Variants in ST3GAL3 observed in about 807,000 individuals in gnomAD.
ST3GAL3 encodes the protein ST3 beta-galactoside alpha-2,3-sialyltransferase 3.
Under a neutral mutation model 50.1 loss-of-function variants are expected in ST3GAL3, and 21 were observed. The ratio of observed to expected loss-of-function variants is 0.42; its 90% CI spans 0.30 to 0.60. The LOEUF is 0.60. Among genes scored for constraint, ST3GAL3 ranks in the 20% least tolerant of loss-of-function variants. The pLI, the probability that ST3GAL3 is intolerant of heterozygous loss-of-function variation, is 0.19. For missense variants in ST3GAL3, 353 were observed against 489.4 expected (o/e 0.72, Z 2.63); for synonymous variants, 183 against 190.0 (o/e 0.96, Z 0.30).
chr1:43,879,069 G>C (rs1344871525), intron 5 of ST3GAL3: 1 of 456,168 alleles, frequency 2.2e-6, no homozygotes, highest in Non-Finnish European at 4.4e-6. Context: ...GACTGCGGCA[G>C]GAAACCCACT....
chr1:43,815,843 C>T (rs972964452), intron 4 of ST3GAL3, among the ~76,000 whole-genome samples: 3 of 151,854 alleles, frequency 2.0e-5, no homozygotes, highest in East Asian at 1.9e-4. Flanking sequence ...ACAGTATTGG[C>T]GTATGTTTGT....
chr1:43,781,318 A>AT (rs1445602655), intron 2 of ST3GAL3, among the ~76,000 whole-genome samples: 4 of 152,144 alleles, frequency 2.6e-5, no homozygotes, highest in Non-Finnish European at 4.4e-5. Flanking sequence ...TGATTTTTAT[A>AT]TTTTTAGGCC....
intron 5 of ST3GAL3, among the ~76,000 whole-genome samples, chr1:43,860,989 T>G (rs2069779081): frequency 6.6e-6 from 1 of 152,240 alleles, no homozygotes; most frequent in South Asian, 2.1e-4. Context: ...CTTTACCACC[T>G]GGCCTCACCG....
intron 2 of ST3GAL3, chr1:43,743,366 A>C (rs1227225372): frequency 4.8e-6 from 1 of 209,944 alleles, no homozygotes; most frequent in Non-Finnish European, 9.5e-6. Context: ...GCTGCTGATG[A>C]GCTCATTTGG....
At position 43,912,224 on chromosome 1, in the gene ST3GAL3, CAA is replaced by C. The variant is rs1444014882; in HGVS notation, c.745-8179_745-8178del. On this transcript the variant is annotated intron_variant, in intron 9 of 11. Coordinates refer to ENST00000347631, the MANE Select transcript of ST3GAL3 (RefSeq NM_006279.5). ...GAGGACCAATAATAGCAGAAGCTAACAAGAGCTGACTTTGTGCCAAACATATT... is the reference window on the plus strand; with the variant it reads ...GAGGACCAATAATAGCAGAAGCTAACGAGCTGACTTTGTGCCAAACATATT... 2.0e-5 allele frequency: 3 copies of C among 152,290 alleles called. No individual in the cohort carries two copies. In the East Asian group the frequency reaches 5.8e-4, roughly 29 times the overall value. 9.4% of individuals were successfully genotyped at this position (152,290 alleles called of 1,614,324 possible). A position where few individuals can be genotyped will look rare whatever the true frequency, so the allele number is the denominator to read the frequency against.
chr1:43,756,926 G>A (rs11210913), intron 2 of ST3GAL3, among the ~76,000 whole-genome samples: 107,259 of 151,954 alleles, frequency 0.71, 38,215 homozygotes, highest in African/African-American at 0.73. Context: ...ATTTTTTGAG[G>A]CAGGGTCTCG....
intron 1 of ST3GAL3, among the ~76,000 whole-genome samples, chr1:43,708,802 A>G (rs1662955222): frequency 6.6e-6 from 1 of 152,238 alleles, no homozygotes; most frequent in African/African-American, 2.4e-5. Context: ...GTTAACGATG[A>G]AACAAGACAT....
At chr1:43,809,052 T>C (rs770410777) in intron 3 of ST3GAL3, among the ~76,000 whole-genome samples, 1 of 152,074 alleles carries the variant, frequency 6.6e-6, no homozygotes, top group Non-Finnish European at 1.5e-5. Flanking sequence ...AGGTATCCTG[T>C]CCCCAACAAG....
intron 2 of ST3GAL3, among the ~76,000 whole-genome samples, chr1:43,750,897 ATCT>A (rs2154109862): frequency 6.6e-6 from 1 of 152,230 alleles, no homozygotes; most frequent in South Asian, 2.1e-4. Flanking sequence ...AAAAAAAGCT[ATCT>A]TTTATTAAAA....
In ST3GAL3 at chr1:43,898,263, C is replaced by T. The variant is rs2077684244; in HGVS notation, c.426C>T (p.Val142=). ...ATCTGATCAAAGCCATCTTGTCAGT[C>T]ACCAAAGAGTACCGCCTGACCCCTG... ...QDNLIKAILS[V]TKEYRLTPAL... The change falls in exon 7 of 12, where the codon GTC becomes GTT. Residue 142 remains valine (V), a synonymous_variant. Coordinates refer to ENST00000347631, the MANE Select transcript of ST3GAL3 (RefSeq NM_006279.5). 6.2e-7 allele frequency: 1 copy of T among 1,613,814 alleles called. No individual in the cohort carries two copies. The highest frequency in any genetic ancestry group is 1.7e-5 in the Admixed American group (1 of 60,018).
At chr1:43,727,126 A>G (rs996415984) in intron 1 of ST3GAL3, 2 of 152,190 alleles carry the variant, frequency 1.3e-5, no homozygotes, top group African/African-American at 4.8e-5. Context: ...GAATTGCTCC[A>G]GATCTGACCA....
At chr1:43,866,144 T>G (rs2071276413) in intron 5 of ST3GAL3, among the ~76,000 whole-genome samples, 1 of 152,244 alleles carries the variant, frequency 6.6e-6, no homozygotes, top group Middle Eastern at 3.2e-3. Flanking sequence ...CATGGCCCCT[T>G]TCAGCAGCCT....
chr1:43,915,993 C>T (rs2081732176), intron 9 of ST3GAL3, among the ~76,000 whole-genome samples: 2 of 152,150 alleles, frequency 1.3e-5, no homozygotes, highest in Admixed American at 6.5e-5. Flanking sequence ...GTGGCAGGCA[C>T]CTGTAATCCC....
At chr1:43,803,814 G>T (rs188723274) in intron 3 of ST3GAL3, among the ~76,000 whole-genome samples, 1 of 152,342 alleles carries the variant, frequency 6.6e-6, no homozygotes, top group East Asian at 1.9e-4. Flanking sequence ...CTGACTTGGT[G>T]CACGTGCAGG....
At chr1:43,762,354 T>A (rs184566169) in intron 2 of ST3GAL3, among the ~76,000 whole-genome samples, 9 of 151,982 alleles carry the variant, frequency 5.9e-5, no homozygotes, top group African/African-American at 2.2e-4. Flanking sequence ...CAGAGACTTA[T>A]TTAGTCTCTG....
rs536180084 is a variant in ST3GAL3, at chr1:43,779,103, A to G, written c.119-12999A>G. ...ATTACAGGCACCTGCCAGCAGGCCC[A>G]GCTAATTTTTGTATATTTGGTAGAG... On this transcript the variant is annotated intron_variant, in intron 2 of 11. Coordinates refer to ENST00000347631, the MANE Select transcript of ST3GAL3 (RefSeq NM_006279.5). Among the ~76,000 whole-genome samples, 4 of 151,522 alleles carry G rather than the reference A, an allele frequency of 2.6e-5. No homozygotes were observed. In the South Asian group the frequency reaches 6.2e-4, roughly 24 times the overall value.
Position 43,930,477 on chromosome 1 carries a change from G to A in ST3GAL3, c.*256G>A. ...TGTGCCCAGCAGGCCCAGCATGCAGGTGGTGGGACACTGGGCAGCAAGGCT... is the reference window on the plus strand; with the variant it reads ...TGTGCCCAGCAGGCCCAGCATGCAGATGGTGGGACACTGGGCAGCAAGGCT... On this transcript the variant is annotated 3_prime_UTR_variant, in exon 12 of 12. Transcript: ENST00000347631. The A allele has an allele frequency of 5.2e-6, 3 of 580,252 alleles. No homozygotes were observed. The highest frequency in any genetic ancestry group is 9.3e-6 in the Non-Finnish European group (3 of 323,704). The allele number at this position is 580,252 out of a possible 1,614,324, so 35.9% of individuals were successfully genotyped here. A position where few individuals can be genotyped will look rare whatever the true frequency, so the allele number is the denominator to read the frequency against.
intron 3 of ST3GAL3, among the ~76,000 whole-genome samples, chr1:43,811,546 G>C (rs2060562672): frequency 6.6e-6 from 1 of 152,080 alleles, no homozygotes; most frequent in Non-Finnish European, 1.5e-5. Flanking sequence ...GTTGGCCGAG[G>C]GCCTGTCAAC....
intron 5 of ST3GAL3, among the ~76,000 whole-genome samples, chr1:43,855,043 A>G (rs2068073390): frequency 6.6e-6 from 1 of 151,886 alleles, no homozygotes; most frequent in African/African-American, 2.4e-5. Context: ...CATTGATCCT[A>G]TTATTCTGTA....
Sources: allele counts gnomAD v4.1 joint callset (sites outside exome capture counted in the v4.1 genomes callset), GRCh38; gene constraint gnomAD v4.1.1; transcripts MANE v1.5; gene names NCBI Gene and HGNC (gene_info 2026-07-23, HGNC 2026-07-21).